Variants in PTPN21 observed in about 807,000 individuals in gnomAD.
The protein encoded by PTPN21 is tyrosine-protein phosphatase non-receptor type 21.
In PTPN21, 77 loss-of-function variants were observed where a neutral mutation model predicts 131.8. The ratio of observed to expected loss-of-function variants is 0.58; its 90% CI spans 0.49 to 0.71. The LOEUF is 0.71. Ranked by LOEUF, PTPN21 falls within the 30% of genes least tolerant of loss-of-function variation. PTPN21 has a pLI of 0.00. For missense variants in PTPN21, 1,552 were observed against 1,527.1 expected, an observed-to-expected ratio of 1.02 and a Z score of -0.27; for synonymous variants, 715 against 621.3, an observed-to-expected ratio of 1.15 and a Z score of -2.24.
At chr14:88,490,994 G>A (rs2077814857) in intron 10 of PTPN21, among the ~76,000 whole-genome samples, 1 of 152,132 alleles carries the variant, frequency 6.6e-6, no homozygotes, top group African/African-American at 2.4e-5. Context: ...CAGTTCTGGG[G>A]CTTAGAGTGA....
intron 18 of PTPN21, among the ~76,000 whole-genome samples, 180 bp from the exon 19 acceptor site, chr14:88,468,445 A>G (rs1219671914): frequency 6.6e-6 from 1 of 152,192 alleles, no homozygotes; most frequent in Non-Finnish European, 1.5e-5. Context: ...AGTTTTAGCT[A>G]TAAATAGAAT....
At chr14:88,473,998 C>A (rs537566583) in intron 13 of PTPN21, 196 bp from the exon 14 acceptor site, 2 of 502,274 alleles carry the variant, frequency 4.0e-6, no homozygotes, top group African/African-American at 4.0e-5. Flanking sequence ...AAGGCCAAAG[C>A]CCTGATAAAG....
At chr14:88,546,091 A>G (rs539743938) in intron 2 of PTPN21, among the ~76,000 whole-genome samples, 1 of 152,028 alleles carries the variant, frequency 6.6e-6, no homozygotes, top group African/African-American at 2.4e-5. Flanking sequence ...CATTGGATAC[A>G]TGTATATTAA....
chr14:88,479,459 A>G lies in PTPN21; in HGVS notation c.1972T>C (p.Ser658Pro), dbSNP rs1193841787. ...EGLRLKERTL[S>P]ASAAEVAPRA... ...GGCGCCACCTCTGCCGCCGACGCGG[A>G]TAGGGTGCGCTCCTTGAGCCGCAGG... Residue 658 changes from serine (S) to proline (P), a missense_variant, in exon 13 of 19, where the codon TCC becomes CCC. By Grantham distance (74) the Ser-to-Pro change is moderately conservative. Around this residue, in one of 4 missense-constraint regions of PTPN21, gnomAD observed 1,016 missense variants for 883.5 expected, o/e 1.15. Coordinates refer to ENST00000556564, the MANE Select transcript of PTPN21 (RefSeq NM_007039.4). 6.2e-7 allele frequency: 1 copy of G among 1,601,416 alleles called. No homozygotes were observed. The highest frequency in any genetic ancestry group is 8.5e-7 in the Non-Finnish European group (1 of 1,178,774).
chr14:88,527,837 G>A (rs902465866), intron 2 of PTPN21, among the ~76,000 whole-genome samples: 3 of 152,152 alleles, frequency 2.0e-5, no homozygotes, highest in African/African-American at 7.2e-5. Context: ...TGTATAAGGT[G>A]AGAGATGAGG....
At chr14:88,546,989 A>G (rs2078792169) in intron 2 of PTPN21, among the ~76,000 whole-genome samples, 1 of 152,178 alleles carries the variant, frequency 6.6e-6, no homozygotes, top group East Asian at 1.9e-4. Context: ...CACAGGCAAA[A>G]CATTTTCTAG....
Position 88,537,054 on chromosome 14 carries a change from T to C in PTPN21, c.180+13184A>G, listed in dbSNP as rs139272967. Among the ~76,000 whole-genome samples, 163 of 152,344 alleles carry C rather than the reference T, an allele frequency of 1.1e-3. 2 individuals are homozygous for C. In the East Asian group the frequency reaches 0.024, roughly 22 times the overall value. On this transcript the variant is annotated intron_variant, in intron 2 of 18. Transcript: ENST00000556564. Reference sequence around the variant, plus strand: ...TTCTGTTTAATTTTAATCAGTTTTCTTCTATACTTGATCAAATAATATATA... The same window carrying C: ...TTCTGTTTAATTTTAATCAGTTTTCCTCTATACTTGATCAAATAATATATA...
At position 88,468,232 on chromosome 14, in the gene PTPN21, T is replaced by G. The variant is rs770931656; in HGVS notation, c.3430A>C (p.Arg1144=). The G allele has an allele frequency of 6.2e-7, 1 of 1,610,150 alleles. No homozygotes were observed. Among genetic ancestry groups the G allele is most frequent in the Non-Finnish European group, 8.5e-7 (1 of 1,177,522 alleles). ...LDIPRVLDML[R]QQRMMLVQTL... is the part of the protein sequence containing the mutation. ...TGCACCAGCATCATTCTCTGTTGCC[T>G]CAGCATGTCCAGCACTCTCGGGATG... is the stretch of plus-strand genomic sequence containing the variant. Residue 1144 remains arginine, a synonymous_variant, in exon 19 of 19, where the codon AGG becomes CGG. Coordinates refer to ENST00000556564, the MANE Select transcript of PTPN21 (RefSeq NM_007039.4).
At position 88,518,370 on chromosome 14, in the gene PTPN21, GTGTA is replaced by G. The variant is rs752093229; in HGVS notation, c.181-1113_181-1110del. ...AGTGTATATATACATACACGTGTGT[GTGTA>G]TGTGTGTGTGTGTATATATATATAT... On this transcript the variant is annotated intron_variant, in intron 2 of 18. Coordinates refer to ENST00000556564, the MANE Select transcript of PTPN21 (RefSeq NM_007039.4). Among the ~76,000 whole-genome samples, 53 of 27,286 alleles carry G rather than the reference GTGTA, an allele frequency of 1.9e-3. 2 individuals are homozygous for G. Among genetic ancestry groups the G allele is most frequent in the East Asian group, 6.6e-3 (6 of 908 alleles). The allele number at this position is 27,286 out of a possible 152,430, so 17.9% of individuals were successfully genotyped here. A position where few individuals can be genotyped will look rare whatever the true frequency, so the allele number is the denominator to read the frequency against.
rs117148283 is a variant in PTPN21 at position 88,499,173 on chromosome 14, G to A, written c.764+1610C>T. Among the ~76,000 whole-genome samples, 1,339 of 152,204 alleles carry A rather than the reference G, an allele frequency of 8.8e-3. 10 individuals carry two copies. Among genetic ancestry groups the A allele is most frequent in the Non-Finnish European group, 0.014 (944 of 68,002 alleles). On this transcript the variant is annotated intron_variant, in intron 8 of 18. Transcript: ENST00000556564. ...GGGAAGGGTTAATATAAGTGGCTTG[G>A]GGACGAGAGAGCAACTGCCAAAGGG...
chr14:88,528,799 C>T (rs571918068), intron 2 of PTPN21, among the ~76,000 whole-genome samples: 1 of 152,304 alleles, frequency 6.6e-6, no homozygotes, highest in South Asian at 2.1e-4. Context: ...GTAAGTTGCC[C>T]AGTCTCAGCT....
chr14:88,477,374 A>T (rs1192763233), intron 13 of PTPN21, among the ~76,000 whole-genome samples: 2 of 144,498 alleles, frequency 1.4e-5, no homozygotes, highest in Non-Finnish European at 3.0e-5. Flanking sequence ...GCTTGAACCC[A>T]GGAGGCAGAG....
intron 10 of PTPN21, among the ~76,000 whole-genome samples, 171 bp from the exon 11 acceptor site, chr14:88,486,013 C>A (rs2077726693): frequency 6.6e-6 from 1 of 152,172 alleles, no homozygotes; most frequent in African/African-American, 2.4e-5. Context: ...GCCCGTGGGG[C>A]CTCAGCCCTT....
At chr14:88,532,715 T>C (rs1042677111) in intron 2 of PTPN21, among the ~76,000 whole-genome samples, 12 of 152,208 alleles carry the variant, frequency 7.9e-5, no homozygotes, top group African/African-American at 2.9e-4. Context: ...AAGGGCTTAT[T>C]TAATAATAGC....
chr14:88,487,975 A>C (rs991183237), intron 10 of PTPN21, among the ~76,000 whole-genome samples: 1 of 151,580 alleles, frequency 6.6e-6, no homozygotes, highest in Non-Finnish European at 1.5e-5. Context: ...CAAAAAAAAA[A>C]AAAAAAAAAA....
intron 10 of PTPN21, among the ~76,000 whole-genome samples, chr14:88,487,317 T>G (rs1275176296): frequency 1.3e-5 from 2 of 152,176 alleles, no homozygotes; most frequent in African/African-American, 4.8e-5. Flanking sequence ...TAACACATAA[T>G]CACTGATTAC....
intron 18 of PTPN21, among the ~76,000 whole-genome samples, chr14:88,468,478 A>T (rs977737380): frequency 3.3e-5 from 5 of 152,194 alleles, no homozygotes; most frequent in Non-Finnish European, 7.3e-5. Context: ...TATTTCTTCA[A>T]CATTCCCCAG....
At chr14:88,473,591 C>A in intron 14 of PTPN21, 74 bp downstream of exon 14, 1 of 1,508,360 alleles carries the variant, frequency 6.6e-7, no homozygotes, top group Non-Finnish European at 8.9e-7. Flanking sequence ...TCACCAAAAT[C>A]TCATGAAGGC....
intron 12 of PTPN21, among the ~76,000 whole-genome samples, chr14:88,481,491 C>T (rs1272902876): frequency 6.6e-6 from 1 of 152,118 alleles, no homozygotes; most frequent in Non-Finnish European, 1.5e-5. Context: ...GCTTCTGCAC[C>T]CCACAAACCA....
Sources: allele counts gnomAD v4.1 joint callset (sites outside exome capture counted in the v4.1 genomes callset), GRCh38; gene constraint gnomAD v4.1.1; regional missense constraint gnomAD v4.1.1; transcripts MANE v1.5; gene names NCBI Gene and HGNC (gene_info 2026-07-23, HGNC 2026-07-21).